The following RNF150 variants were observed in gnomAD, a reference collection of about 807,000 sequenced individuals.
RNF150 encodes ring finger protein 150.
In RNF150, 24 loss-of-function variants were observed where a neutral mutation model predicts 39.3. That is an observed-to-expected ratio of 0.61 (90% CI 0.44 to 0.86). The LOEUF is 0.86. Among genes scored for constraint, RNF150 ranks in the 40% least tolerant of loss-of-function variants. RNF150 has a pLI of 0.00. For synonymous variants in RNF150, 255 were observed against 227.3 expected (o/e 1.12, Z -1.10); for missense variants, 502 against 587.8 (o/e 0.85, Z 1.51).
At chr4:140,955,979 G>A (rs926364242) in intron 2 of RNF150, among the ~76,000 whole-genome samples, 5 of 152,196 alleles carry the variant, frequency 3.3e-5, no homozygotes, top group Non-Finnish European at 5.9e-5. Flanking sequence ...TTTACTGAAT[G>A]TCATTACCAG....
chr4:140,968,276 T>C (rs1474084568), intron 1 of RNF150, among the ~76,000 whole-genome samples: 4 of 151,944 alleles, frequency 2.6e-5, no homozygotes, highest in African/African-American at 7.3e-5. Context: ...TTGCATTCCA[T>C]GACAAAAGGG....
chr4:141,171,460 AAGAGAGAGAG>A (rs67118049), intron 1 of RNF150, among the ~76,000 whole-genome samples: 230 of 148,928 alleles, frequency 1.5e-3, no homozygotes, highest in South Asian at 6.3e-3. Context: ...GACAGACAGA[AAGAGAGAGAG>A]AGAGAGAGAG....
At chr4:141,154,390 G>A (rs544694547) in intron 1 of RNF150, among the ~76,000 whole-genome samples, 3 of 152,258 alleles carry the variant, frequency 2.0e-5, no homozygotes, top group East Asian at 3.9e-4. Context: ...CTTCCTTAGC[G>A]TGCCTGTGTG....
chr4:140,921,962 C>T (rs575427864), intron 5 of RNF150, among the ~76,000 whole-genome samples: 60 of 150,872 alleles, frequency 4.0e-4, no homozygotes, highest in Non-Finnish European at 7.1e-4. Context: ...ATTGATGGGA[C>T]GTATCTCAAA....
chr4:140,975,692 G>C (rs1022407677), intron 1 of RNF150, among the ~76,000 whole-genome samples: 9 of 152,076 alleles, frequency 5.9e-5, no homozygotes, highest in Non-Finnish European at 8.8e-5. Flanking sequence ...ATTTTCTGGG[G>C]AAAACCAAGG....
At chr4:141,003,053 T>C (rs548556447) in intron 1 of RNF150, among the ~76,000 whole-genome samples, 1 of 152,294 alleles carries the variant, frequency 6.6e-6, no homozygotes, top group South Asian at 2.1e-4. Flanking sequence ...TGTAAAGTGA[T>C]TGTAATTAAT....
At chr4:141,123,496 C>A (rs1350488075) in intron 1 of RNF150, among the ~76,000 whole-genome samples, 2 of 152,202 alleles carry the variant, frequency 1.3e-5, no homozygotes, top group East Asian at 1.9e-4. Context: ...GCATATAGAA[C>A]CTCATTGTGC....
At chr4:140,926,849 C>T in intron 4 of RNF150, among the ~76,000 whole-genome samples, 1 of 152,156 alleles carries the variant, frequency 6.6e-6, no homozygotes, top group East Asian at 1.9e-4. Context: ...CCCAAGACTC[C>T]AGACTACAGG....
At chr4:140,871,042 T>C (rs1728919200) in intron 6 of RNF150, among the ~76,000 whole-genome samples, 1 of 151,738 alleles carries the variant, frequency 6.6e-6, no homozygotes, top group Admixed American at 6.6e-5. Flanking sequence ...ACACACACTT[T>C]ATACTTATGA....
chr4:140,997,517 A>C (rs553908443), intron 1 of RNF150, among the ~76,000 whole-genome samples: 1 of 152,156 alleles, frequency 6.6e-6, no homozygotes, highest in East Asian at 1.9e-4. Flanking sequence ...CATCCCAAAG[A>C]AGGAATCAAC....
At chr4:141,096,185 G>GCTTT in intron 1 of RNF150, among the ~76,000 whole-genome samples, 5 of 100,302 alleles carry the variant, frequency 5.0e-5, no homozygotes, top group African/African-American at 2.1e-4. Flanking sequence ...AGAGTTTTTA[G>GCTTT]CTTTCTTTTT....
At chr4:141,166,653 A>G (rs1727610741) in intron 1 of RNF150, among the ~76,000 whole-genome samples, 1 of 152,228 alleles carries the variant, frequency 6.6e-6, no homozygotes, top group South Asian at 2.1e-4. Flanking sequence ...GCAAATGAAT[A>G]AACATAATCC....
intron 1 of RNF150, among the ~76,000 whole-genome samples, chr4:141,011,182 T>G (rs938533513): frequency 2.6e-5 from 4 of 152,144 alleles, no homozygotes; most frequent in African/African-American, 9.7e-5. Flanking sequence ...GCAATTTTAC[T>G]TTTTTACCCG....
At chr4:140,967,924 G>A (rs1393128995) in intron 1 of RNF150, 51 bp from the exon 2 acceptor site, 2 of 1,536,684 alleles carry the variant, frequency 1.3e-6, no homozygotes, top group Admixed American at 3.4e-5. Context: ...GATAAGATAT[G>A]GGGGATCCCA....
chr4:140,898,542 A>G (rs1477262175), intron 6 of RNF150, among the ~76,000 whole-genome samples: 1 of 152,274 alleles, frequency 6.6e-6, no homozygotes, highest in Non-Finnish European at 1.5e-5. Flanking sequence ...TGATATGCAT[A>G]TATGAACATG....
intron 1 of RNF150, among the ~76,000 whole-genome samples, chr4:141,022,085 G>A (rs1735517136): frequency 6.6e-6 from 1 of 152,182 alleles, no homozygotes; most frequent in East Asian, 1.9e-4. Context: ...AAAGACATTG[G>A]TGCCAATTTA....
At chr4:141,049,368 CA>C (rs1387138468) in intron 1 of RNF150, among the ~76,000 whole-genome samples, 1 of 150,392 alleles carries the variant, frequency 6.6e-6, no homozygotes, top group Non-Finnish European at 1.5e-5. Flanking sequence ...GCTAGAGGAA[CA>C]ATAAAATTAA....
rs891777851 is a variant in RNF150, at chr4:141,099,759, G to A, written c.484+32566C>T. Among the ~76,000 whole-genome samples, 91 of 151,882 alleles carry A rather than the reference G, an allele frequency of 6.0e-4. 1 individual carries two copies. The highest frequency in any genetic ancestry group is 2.1e-3 in the African/African-American group (88 of 41,406). ...TGATTTGACATGATGGTAAAGAGTG[G>A]GATGGCCCCTCAAAACATCCAAGTT... On this transcript the variant is annotated intron_variant, in intron 1 of 6. Transcript: ENST00000515673.
chr4:140,931,935 TC>T (rs1380719612), intron 4 of RNF150, among the ~76,000 whole-genome samples: 1 of 152,166 alleles, frequency 6.6e-6, no homozygotes, highest in Non-Finnish European at 1.5e-5. Flanking sequence ...TATGTGTGAT[TC>T]CCTCCCCAAT....
Sources: allele counts gnomAD v4.1 joint callset (sites outside exome capture counted in the v4.1 genomes callset), GRCh38; gene constraint gnomAD v4.1.1; transcripts MANE v1.5; gene names NCBI Gene and HGNC (gene_info 2026-07-23, HGNC 2026-07-21).